Variants in DDR2 observed in about 807,000 individuals in gnomAD.
DDR2 encodes discoidin domain receptor tyrosine kinase 2.
Under a neutral mutation model 94.9 loss-of-function variants are expected in DDR2, and 27 were observed. That is an observed-to-expected ratio of 0.28 (90% CI 0.21 to 0.39). The LOEUF is 0.39. Among genes scored for constraint, DDR2 ranks in the 10% least tolerant of loss-of-function variants. DDR2 has a pLI of 1.00. For synonymous variants in DDR2, 382 were observed against 377.2 expected (o/e 1.01, Z -0.15); for missense variants, 783 against 1,076.0 (o/e 0.73, Z 3.81).
chr1:162,639,373 CA>C (rs747172531), intron 1 of DDR2, among the ~76,000 whole-genome samples: 3 of 152,276 alleles, frequency 2.0e-5, no homozygotes, highest in Non-Finnish European at 2.9e-5. Flanking sequence ...GGAGCAAAGG[CA>C]ATCTGATGGA....
At chr1:162,657,501 C>T (rs2101913200) in intron 2 of DDR2, among the ~76,000 whole-genome samples, 1 of 152,328 alleles carries the variant, frequency 6.6e-6, no homozygotes, top group South Asian at 2.1e-4. Context: ...AAGGCATACT[C>T]TGGATGGGTA....
intron 2 of DDR2, among the ~76,000 whole-genome samples, chr1:162,674,848 G>A (rs1659050171): frequency 1.3e-5 from 2 of 152,144 alleles, no homozygotes; most frequent in Non-Finnish European, 2.9e-5. Flanking sequence ...AAATTTTCAT[G>A]ATTTGGATAA....
chr1:162,680,605 C>T (rs1023055328), intron 2 of DDR2, among the ~76,000 whole-genome samples: 1 of 152,132 alleles, frequency 6.6e-6, no homozygotes, highest in African/African-American at 2.4e-5. Context: ...TCATTTCTTT[C>T]TTGTTGAAGA....
At chr1:162,712,095 A>C in intron 2 of DDR2, among the ~76,000 whole-genome samples, 1 of 151,498 alleles carries the variant, frequency 6.6e-6, no homozygotes, top group Non-Finnish European at 1.5e-5. Context: ...TCCCCATACC[A>C]TCCTATCTGA....
chr1:162,692,709 T>C (rs1660012550), intron 2 of DDR2, among the ~76,000 whole-genome samples: 1 of 152,228 alleles, frequency 6.6e-6, no homozygotes, highest in Non-Finnish European at 1.5e-5. Flanking sequence ...AGACATGGTA[T>C]AACCTATTTG....
intron 2 of DDR2, among the ~76,000 whole-genome samples, chr1:162,688,209 G>A (rs1659784664): frequency 6.6e-6 from 1 of 152,180 alleles, no homozygotes; most frequent in Non-Finnish European, 1.5e-5. Flanking sequence ...GCACGTACAA[G>A]GACACAACTT....
Position 162,745,314 on chromosome 1 carries a change from C to T in DDR2, c.83-7781C>T, listed in dbSNP as rs188030728. Among the ~76,000 whole-genome samples, 6 of 152,146 alleles carry T rather than the reference C, an allele frequency of 3.9e-5. No individual in the cohort carries two copies. In the South Asian group the frequency reaches 6.2e-4, roughly 16 times the overall value. On this transcript the variant is annotated intron_variant, in intron 3 of 17. Transcript: ENST00000367921. The stretch of plus-strand genomic sequence containing the variant: ...TTTGTTCATTGTTTCCTTTGCTGTG[C>T]GGAAGTTTTTGTTGTTGTTGTTCAA...
chr1:162,687,570 T>A (rs1260310177), intron 2 of DDR2, among the ~76,000 whole-genome samples: 2 of 152,214 alleles, frequency 1.3e-5, no homozygotes, highest in Non-Finnish European at 2.9e-5. Flanking sequence ...AGAGCTCTAA[T>A]GTTGGAGCCA....
At chr1:162,677,626 C>T (rs1659198387) in intron 2 of DDR2, among the ~76,000 whole-genome samples, 1 of 152,116 alleles carries the variant, frequency 6.6e-6, no homozygotes, top group African/African-American at 2.4e-5. Context: ...TTCTACATTC[C>T]CCAGGTTGAG....
chr1:162,632,846 T>G lies in DDR2; in HGVS notation c.-192+215T>G, dbSNP rs528196943. Among the ~76,000 whole-genome samples, 13 of 152,132 alleles carry G rather than the reference T, an allele frequency of 8.5e-5. 1 individual carries two copies. The South Asian group carries it at 1.5e-3, about 17-fold the overall frequency. On this transcript the variant is annotated intron_variant, in intron 1 of 17. Transcript: ENST00000367921. ...TGGATTTATGCTATGAAGGGAAGAA[T>G]AAAGAGCAGTAATAACCAAAGAAGC...
At chr1:162,743,910 A>G (rs142503951) in intron 3 of DDR2, among the ~76,000 whole-genome samples, 45 of 152,348 alleles carry the variant, frequency 3.0e-4, no homozygotes, top group East Asian at 1.7e-3. Context: ...TCTTTCTGTC[A>G]CTATAGATTA....
At chr1:162,774,205 G>A (rs1647396596) in intron 14 of DDR2, among the ~76,000 whole-genome samples, 1 of 152,146 alleles carries the variant, frequency 6.6e-6, no homozygotes, top group Non-Finnish European at 1.5e-5. Context: ...GCAGTTTCCA[G>A]CCACACTTCA....
At chr1:162,704,699 C>A (rs61811980) in intron 2 of DDR2, among the ~76,000 whole-genome samples, 3 of 152,172 alleles carry the variant, frequency 2.0e-5, no homozygotes, top group East Asian at 3.9e-4. Flanking sequence ...GAGGGTGCCA[C>A]CCTCATGACC....
intron 2 of DDR2, among the ~76,000 whole-genome samples, chr1:162,667,167 G>A (rs2101930455): frequency 6.6e-6 from 1 of 152,142 alleles, no homozygotes; most frequent in African/African-American, 2.4e-5. Flanking sequence ...CCAGTGTTTT[G>A]TGATTACAAA....
intron 3 of DDR2, among the ~76,000 whole-genome samples, chr1:162,741,199 C>CAATAT (rs1662574028): frequency 4.9e-5 from 3 of 61,382 alleles, no homozygotes; most frequent in Admixed American, 3.7e-4. Context: ...TAACATAATA[C>CAATAT]AATACAATAC....
At chr1:162,755,414 T>G in intron 6 of DDR2, 111 bp downstream of exon 6, 1 of 1,406,514 alleles carries the variant, frequency 7.1e-7, no homozygotes, top group Non-Finnish European at 9.9e-7. Flanking sequence ...GGAATGGTGA[T>G]GCCCTCTTGG....
chr1:162,701,342 A>G (rs550422892), intron 2 of DDR2, among the ~76,000 whole-genome samples: 2 of 152,344 alleles, frequency 1.3e-5, no homozygotes, highest in East Asian at 3.9e-4. Flanking sequence ...TTTGCAGTAA[A>G]TGGAAGGTAA....
At chr1:162,763,391 G>T (rs1164292834) in intron 9 of DDR2, among the ~76,000 whole-genome samples, 1 of 106,208 alleles carries the variant, frequency 9.4e-6, no homozygotes, top group Admixed American at 1.5e-4. Flanking sequence ...TAAAGACGGG[G>T]TTTCACCATG....
chr1:162,697,382 A>G (rs561269346), intron 2 of DDR2, among the ~76,000 whole-genome samples: 7 of 152,344 alleles, frequency 4.6e-5, no homozygotes, highest in Admixed American at 4.6e-4. Flanking sequence ...AAAGTCTCAC[A>G]TAGTCATTTG....
Sources: gnomAD v4.1 joint callset for allele counts (sites outside exome capture counted in the v4.1 genomes callset) on GRCh38, gnomAD v4.1.1 for gene constraint, MANE v1.5 for transcripts, NCBI Gene and HGNC (gene_info 2026-07-23, HGNC 2026-07-21) for gene names.